Variants in RBFOX1 observed in about 807,000 individuals in gnomAD.
RBFOX1 encodes the protein RNA binding fox-1 homolog 1.
Under a neutral mutation model 57.7 loss-of-function variants are expected in RBFOX1, and 8 were observed. The ratio of observed to expected loss-of-function variants is 0.14; its 90% CI spans 0.08 to 0.25. The LOEUF (loss-of-function observed/expected upper bound fraction) is 0.25, where lower values mean the gene tolerates loss of function less well. Ranked by LOEUF, RBFOX1 falls within the 10% of genes least tolerant of loss-of-function variation. RBFOX1 has a pLI of 1.00. For missense variants in RBFOX1, 611 were observed against 548.5 expected (o/e 1.11, Z -1.14); for synonymous variants, 326 against 222.4 (o/e 1.47, Z -4.15).
chr16:7,082,606 A>G (rs2059375970), intron 4 of RBFOX1, among the ~76,000 whole-genome samples: 1 of 152,142 alleles, frequency 6.6e-6, no homozygotes, highest in African/African-American at 2.4e-5. Context: ...TTCAGCACTG[A>G]TTCAGTTGAG....
intron 2 of RBFOX1, among the ~76,000 whole-genome samples, chr16:6,640,797 G>T (rs1267790568): frequency 6.6e-6 from 1 of 152,076 alleles, no homozygotes; most frequent in Non-Finnish European, 1.5e-5. Flanking sequence ...CCTTGAACCA[G>T]AATACGTTCT....
intron 3 of RBFOX1, among the ~76,000 whole-genome samples, chr16:6,962,744 G>T (rs1310101800): frequency 1.3e-5 from 2 of 152,090 alleles, no homozygotes; most frequent in Admixed American, 6.6e-5. Flanking sequence ...TGTGTGTGTA[G>T]CCCCAGCTAC....
Position 5,723,163 on chromosome 16 carries a change from G to C in RBFOX1, c.318+124202G>C, listed in dbSNP as rs756239883. On this transcript the variant is annotated intron_variant, in intron 3 of 19. Coordinates refer to the RBFOX1 transcript ENST00000641259. ...CTGGACCACCCTTCCTGCTACTTGA[G>C]TGTATGCATCTGTAACATGGGAGAA... Among the ~76,000 whole-genome samples the C allele has an allele frequency of 2.6e-5, 4 of 152,292 alleles. No individual in the cohort carries two copies. The South Asian group carries it at 6.2e-4, about 24-fold the overall frequency.
At chr16:5,498,043 A>C (rs2043060824) in intron 2 of RBFOX1, among the ~76,000 whole-genome samples, 1 of 152,234 alleles carries the variant, frequency 6.6e-6, no homozygotes, top group South Asian at 2.1e-4. Flanking sequence ...AGAAGATTCC[A>C]GAGTGGCTGG....
intron 1 of RBFOX1, among the ~76,000 whole-genome samples, chr16:6,101,796 T>G (rs375103953): frequency 6.6e-5 from 10 of 152,276 alleles, no homozygotes; most frequent in African/African-American, 2.4e-4. Context: ...GGAACACTCC[T>G]ACCCCTGCCC....
intron 4 of RBFOX1, among the ~76,000 whole-genome samples, chr16:5,929,476 A>T (rs1190169789): frequency 6.6e-6 from 1 of 152,164 alleles, no homozygotes; most frequent in Non-Finnish European, 1.5e-5. Context: ...CCTCTCCTAT[A>T]AGACAGCATG....
chr16:6,547,927 C>A (rs913612450), intron 2 of RBFOX1, among the ~76,000 whole-genome samples: 1 of 152,168 alleles, frequency 6.6e-6, no homozygotes, highest in Non-Finnish European at 1.5e-5. Context: ...GCAAGCGAGG[C>A]TGTGAAAGAC....
At chr16:7,300,287 C>T (rs1014375036) in intron 4 of RBFOX1, among the ~76,000 whole-genome samples, 8 of 152,096 alleles carry the variant, frequency 5.3e-5, no homozygotes, top group African/African-American at 1.4e-4. Context: ...CCACTGATGC[C>T]GACCTGGGGG....
Position 6,484,500 on chromosome 16 carries a change from G to C in RBFOX1, c.-64+167443G>C, listed in dbSNP as rs993970373. On this transcript the variant is annotated intron_variant, in intron 2 of 15. Transcript: ENST00000550418. The stretch of plus-strand genomic sequence containing the variant: ...GTTGCCTTCTTCTGAGATCAAATGG[G>C]AGAAATGTGCCTTGCCTTCTCAAGT... Among the ~76,000 whole-genome samples the C allele has an allele frequency of 5.9e-5, 9 of 152,112 alleles. No individual in the cohort carries two copies. The South Asian group carries it at 8.3e-4, about 14-fold the overall frequency.
chr16:5,844,049 C>G (rs2056690820), intron 3 of RBFOX1, among the ~76,000 whole-genome samples: 2 of 152,294 alleles, frequency 1.3e-5, no homozygotes, highest in South Asian at 4.1e-4. Flanking sequence ...CAATATGGAA[C>G]CCAATTCCTG....
At chr16:5,661,007 C>G (rs1172224521) in intron 3 of RBFOX1, among the ~76,000 whole-genome samples, 2 of 152,132 alleles carry the variant, frequency 1.3e-5, no homozygotes, top group Non-Finnish European at 2.9e-5. Context: ...GAGTCCTAAG[C>G]TTTGCTGTGC....
At chr16:7,110,279 G>A (rs149338420) in intron 4 of RBFOX1, among the ~76,000 whole-genome samples, 159 of 151,830 alleles carry the variant, frequency 1.0e-3, no homozygotes, top group African/African-American at 3.5e-3. Flanking sequence ...AAGGATCCCC[G>A]GAACCTAGGA....
intron 3 of RBFOX1, among the ~76,000 whole-genome samples, chr16:6,973,592 G>T (rs887245625): frequency 1.3e-5 from 2 of 152,242 alleles, no homozygotes; most frequent in African/African-American, 4.8e-5. Flanking sequence ...ATTGTAAATG[G>T]TGAGGACTTT....
At chr16:7,006,070 G>A (rs967606977) in intron 3 of RBFOX1, among the ~76,000 whole-genome samples, 3 of 152,152 alleles carry the variant, frequency 2.0e-5, no homozygotes, top group East Asian at 1.9e-4. Context: ...GCAATAGGTA[G>A]TAAACCCTAC....
At chr16:7,454,412 A>G (rs1240349440) in intron 4 of RBFOX1, among the ~76,000 whole-genome samples, 1 of 152,208 alleles carries the variant, frequency 6.6e-6, no homozygotes, top group African/African-American at 2.4e-5. Context: ...TTGTCTCCCA[A>G]GTTATCAAGT....
chr16:7,367,719 C>G (rs1046767920), intron 4 of RBFOX1, among the ~76,000 whole-genome samples: 3 of 152,116 alleles, frequency 2.0e-5, no homozygotes, highest in African/African-American at 7.2e-5. Flanking sequence ...GGCAGCTTCT[C>G]CTTAGCTGCA....
intron 14 of RBFOX1, among the ~76,000 whole-genome samples, chr16:7,695,146 A>G (rs1001387454): frequency 2.0e-5 from 3 of 152,306 alleles, no homozygotes; most frequent in African/African-American, 4.8e-5. Flanking sequence ...TTTCAGATTG[A>G]GAGAGATATC....
intron 4 of RBFOX1, among the ~76,000 whole-genome samples, chr16:7,225,544 C>G (rs774836502): frequency 6.6e-6 from 1 of 151,742 alleles, no homozygotes; most frequent in Non-Finnish European, 1.5e-5. Flanking sequence ...TCAAGTATGT[C>G]TTTATTGCAT....
At chr16:6,917,694 A>G (rs2073526109) in intron 3 of RBFOX1, among the ~76,000 whole-genome samples, 1 of 152,158 alleles carries the variant, frequency 6.6e-6, no homozygotes, top group Non-Finnish European at 1.5e-5. Context: ...CTGTGTGATG[A>G]GTAGACTCTT....
Sources: allele counts gnomAD v4.1 joint callset (sites outside exome capture counted in the v4.1 genomes callset), GRCh38; gene constraint gnomAD v4.1.1; transcripts MANE v1.5; gene names NCBI Gene and HGNC (gene_info 2026-07-23, HGNC 2026-07-21).